CHP1: variants seen among roughly 807,000 people sequenced by gnomAD.
CHP1 encodes the protein calcineurin like EF-hand protein 1, also known as calcineurin B homologous protein 1.
In CHP1, 11 loss-of-function variants were observed where a neutral mutation model predicts 27.4. The observed-to-expected ratio is 0.40, with a 90% CI of 0.25 to 0.67. The LOEUF (loss-of-function observed/expected upper bound fraction) is 0.67, where lower values mean the gene tolerates loss of function less well. Among genes scored for constraint, CHP1 ranks in the 30% least tolerant of loss-of-function variants. The pLI, the probability that CHP1 is intolerant of heterozygous loss-of-function variation, is 0.38. For missense variants in CHP1, 169 were observed against 251.3 expected (o/e 0.67, Z 2.22); for synonymous variants, 89 against 87.4 (o/e 1.02, Z -0.10).
chr15:41,269,357 T>C (rs891959982), intron 4 of CHP1, among the ~76,000 whole-genome samples: 1 of 152,248 alleles, frequency 6.6e-6, no homozygotes, highest in Non-Finnish European at 1.5e-5. Context: ...ATTACTTTTA[T>C]GTCATCTTAG....
intron 2 of CHP1, among the ~76,000 whole-genome samples, chr15:41,248,356 G>A (rs140573484): frequency 3.7e-4 from 56 of 152,164 alleles, no homozygotes; most frequent in African/African-American, 1.0e-3. Flanking sequence ...GCAAAAAAGC[G>A]CACATTATGT....
intron 1 of CHP1, among the ~76,000 whole-genome samples, chr15:41,238,730 T>C (rs969991933): frequency 2.5e-4 from 38 of 150,442 alleles, no homozygotes. Flanking sequence ...CAGGTACCTG[T>C]AGTCGCAGCT....
At chr15:41,276,849 A>G (rs993709959) in intron 5 of CHP1, among the ~76,000 whole-genome samples, 1 of 152,188 alleles carries the variant, frequency 6.6e-6, no homozygotes, top group Non-Finnish European at 1.5e-5. Context: ...TTTGGCATAG[A>G]TTGTCCAGGC....
chr15:41,246,845 G>A (rs2047337506), intron 2 of CHP1, among the ~76,000 whole-genome samples: 3 of 150,508 alleles, frequency 2.0e-5, no homozygotes, highest in Admixed American at 6.7e-5. Context: ...GCGAGATCAC[G>A]CTACTGCACT....
intron 2 of CHP1, among the ~76,000 whole-genome samples, chr15:41,244,591 T>C (rs113825351): frequency 0.013 from 1,906 of 152,296 alleles, 47 homozygotes; most frequent in African/African-American, 0.044. Context: ...TGGAGAATGC[T>C]ACTAGTGCCT....
chr15:41,260,740 A>G (rs2047428682), intron 3 of CHP1, among the ~76,000 whole-genome samples: 1 of 152,006 alleles, frequency 6.6e-6, no homozygotes, highest in Non-Finnish European at 1.5e-5. Flanking sequence ...AGGGAATAAT[A>G]AAATCATGAT....
chr15:41,256,667 T>C, intron 2 of CHP1: 1 of 516,048 alleles, frequency 1.9e-6, no homozygotes, highest in Non-Finnish European at 3.5e-6. Context: ...TGACGTAACC[T>C]GTGTGCTAAA....
chr15:41,277,640 T>C (rs1187422526), intron 5 of CHP1, among the ~76,000 whole-genome samples: 1 of 151,916 alleles, frequency 6.6e-6, no homozygotes, highest in Non-Finnish European at 1.5e-5. Flanking sequence ...ATACAAAAAT[T>C]AGCTGGGTGT....
intron 2 of CHP1, among the ~76,000 whole-genome samples, chr15:41,252,362 TTTTACC>T (rs1296439708): frequency 6.6e-6 from 1 of 151,084 alleles, no homozygotes; most frequent in Non-Finnish European, 1.5e-5. Flanking sequence ...AGAGACGGGG[TTTTACC>T]ATCTTGGCCA....
intron 5 of CHP1, among the ~76,000 whole-genome samples, chr15:41,271,521 A>G (rs1359499696): frequency 6.6e-6 from 1 of 152,194 alleles, no homozygotes; most frequent in Non-Finnish European, 1.5e-5. Flanking sequence ...GTTATTGCCA[A>G]ATCAGATTAT....
chr15:41,241,910 A>G (rs2047308913), intron 1 of CHP1, among the ~76,000 whole-genome samples: 1 of 152,200 alleles, frequency 6.6e-6, no homozygotes, highest in Non-Finnish European at 1.5e-5. Context: ...AGCCTCGGAC[A>G]AAGTCCACAC....
intron 5 of CHP1, among the ~76,000 whole-genome samples, chr15:41,277,740 A>G (rs973525589): frequency 1.7e-4 from 26 of 149,332 alleles, no homozygotes; most frequent in African/African-American, 6.2e-4. Context: ...GTGAGCCGAG[A>G]TCGTGCCATT....
At chr15:41,270,268 G>C (rs533709557) in intron 4 of CHP1, among the ~76,000 whole-genome samples, 3 of 151,704 alleles carry the variant, frequency 2.0e-5, no homozygotes, top group Non-Finnish European at 2.9e-5. Flanking sequence ...GAGTGTTTTG[G>C]GGGGGGGCGT....
intron 2 of CHP1, among the ~76,000 whole-genome samples, chr15:41,251,367 CA>C (rs1404028777): frequency 3.3e-5 from 5 of 152,092 alleles, no homozygotes; most frequent in African/African-American, 1.2e-4. Context: ...TACATCAGAA[CA>C]AAGAATATTT....
chr15:41,274,790 G>GT (rs34053067), intron 5 of CHP1, among the ~76,000 whole-genome samples: 24,128 of 120,652 alleles, frequency 0.2, 2,975 homozygotes, highest in Non-Finnish European at 0.25. Context: ...CATTGTCTTT[G>GT]TTTTTTTTTT....
intron 2 of CHP1, among the ~76,000 whole-genome samples, chr15:41,247,613 A>G (rs1465586814): frequency 3.3e-5 from 5 of 151,878 alleles, no homozygotes; most frequent in Non-Finnish European, 7.4e-5. Context: ...TGGAGGTTGC[A>G]GTGAGCCGAG....
At chr15:41,251,238 C>T (rs965454635) in intron 2 of CHP1, among the ~76,000 whole-genome samples, 1 of 152,160 alleles carries the variant, frequency 6.6e-6, no homozygotes, top group African/African-American at 2.4e-5. Context: ...GACTATCCAG[C>T]CTCCAGATGA....
chr15:41,281,857 C>T lies in CHP1; in HGVS notation c.*2468C>T, dbSNP rs2047548721. On this transcript the variant is annotated 3_prime_UTR_variant, in exon 7 of 7. Transcript: ENST00000334660. ...GTTCCATTAAAATTGTATCTTCGATCCATCAATAAATACTTGTGGTTGAAA... is the reference window on the plus strand; with the variant it reads ...GTTCCATTAAAATTGTATCTTCGATTCATCAATAAATACTTGTGGTTGAAA... 1 of 152,586 alleles carries T rather than the reference C, an allele frequency of 6.6e-6. No individual in the cohort carries two copies. Among genetic ancestry groups the T allele is most frequent in the South Asian group, 2.1e-4 (1 of 4,826 alleles). 9.5% of individuals were successfully genotyped at this position (152,586 alleles called of 1,614,324 possible).
intron 1 of CHP1, among the ~76,000 whole-genome samples, chr15:41,242,929 G>T (rs2047314268): frequency 1.3e-5 from 2 of 151,968 alleles, no homozygotes; most frequent in Admixed American, 1.3e-4. Context: ...GGCAACGAGA[G>T]TGAAACCCCA....
Sources: gnomAD v4.1 joint callset for allele counts (sites outside exome capture counted in the v4.1 genomes callset) on GRCh38, gnomAD v4.1.1 for gene constraint, MANE v1.5 for transcripts, NCBI Gene and HGNC (gene_info 2026-07-23, HGNC 2026-07-21) for gene names.